The following WDR49 variants were observed in gnomAD, a reference collection of about 807,000 sequenced individuals.
WDR49 encodes the protein WD repeat domain 49.
In WDR49, 107 loss-of-function variants were observed where a neutral mutation model predicts 119.5. That is an observed-to-expected ratio of 0.90 (90% CI 0.77 to 1.05). The LOEUF is 1.05. WDR49 is among the 50% of genes least tolerant of loss of function. The pLI is 0.00. For missense variants in WDR49, 1,240 were observed against 1,220.5 expected (o/e 1.02, Z -0.24); for synonymous variants, 425 against 418.8 (o/e 1.01, Z -0.18).
At chr3:167,496,456 C>T (rs1396926947) in intron 18 of WDR49, among the ~76,000 whole-genome samples, 1 of 151,944 alleles carries the variant, frequency 6.6e-6, no homozygotes. Flanking sequence ...GAGTATCATC[C>T]CCCGCTATTT....
chr3:167,596,176 T>C (rs1408955559), intron 7 of WDR49, among the ~76,000 whole-genome samples: 17 of 151,960 alleles, frequency 1.1e-4, no homozygotes, highest in African/African-American at 3.9e-4. Flanking sequence ...TGAGATACCA[T>C]CTCACACCAG....
intron 5 of WDR49, among the ~76,000 whole-genome samples, chr3:167,608,554 A>C (rs1716174501): frequency 6.6e-6 from 1 of 152,216 alleles, no homozygotes; most frequent in African/African-American, 2.4e-5. Flanking sequence ...ACCAAGATAT[A>C]ACTTGTTTCT....
chr3:167,594,669 C>G (rs1715318466), intron 7 of WDR49, among the ~76,000 whole-genome samples: 1 of 152,158 alleles, frequency 6.6e-6, no homozygotes, highest in South Asian at 2.1e-4. Flanking sequence ...ATTCAACAAC[C>G]CTTCATGCTA....
At chr3:167,633,376 G>A (rs557879471) in intron 2 of WDR49, 1 of 451,014 alleles carries the variant, frequency 2.2e-6, no homozygotes, top group Non-Finnish European at 4.4e-6. Context: ...ATAGAAAGCT[G>A]TCCTAAGTGA....
chr3:167,560,059 C>T lies in WDR49; in HGVS notation c.1674+5G>A, dbSNP rs377289376. 2.7e-5 allele frequency: 44 copies of T among 1,613,644 alleles called. No individual in the cohort carries two copies. The highest frequency in any genetic ancestry group is 3.3e-4 in the Middle Eastern group (2 of 6,078). ...CTGGATAGAAAAGCATCATTGTGTT[C>T]GCACCTTTACAGTCCCATCTGTGCT... is the stretch of plus-strand genomic sequence containing the variant. On this transcript the variant is annotated splice_donor_5th_base_variant and intron_variant, in intron 9 of 18. Transcript: ENST00000682715.
At chr3:167,570,756 G>A (rs954015700) in intron 8 of WDR49, among the ~76,000 whole-genome samples, 1 of 152,174 alleles carries the variant, frequency 6.6e-6, no homozygotes, top group Admixed American at 6.5e-5. Context: ...ATGATGATAA[G>A]GCCGGATGCA....
chr3:167,600,217 G>A (rs1400091744), intron 7 of WDR49, among the ~76,000 whole-genome samples: 4 of 152,074 alleles, frequency 2.6e-5, no homozygotes, highest in East Asian at 1.9e-4. Flanking sequence ...TGGGGGAGTC[G>A]TGGTACAAGC....
intron 16 of WDR49, among the ~76,000 whole-genome samples, chr3:167,520,813 T>C (rs1240744697): frequency 6.6e-6 from 1 of 152,130 alleles, no homozygotes; most frequent in Admixed American, 6.6e-5. Context: ...ACTGATCTTG[T>C]GACACTTAAG....
chr3:167,538,260 C>G (rs1450336031), intron 10 of WDR49, among the ~76,000 whole-genome samples: 1 of 152,092 alleles, frequency 6.6e-6, no homozygotes, highest in Non-Finnish European at 1.5e-5. Context: ...CAAAAGATCT[C>G]AACATGTCAA....
intron 18 of WDR49, among the ~76,000 whole-genome samples, chr3:167,485,135 T>C (rs1750871948): frequency 6.6e-6 from 1 of 151,488 alleles, no homozygotes; most frequent in African/African-American, 2.4e-5. Flanking sequence ...TAAGTCGGAG[T>C]TGAACAATGA....
chr3:167,560,181 G>T lies in WDR49; in HGVS notation c.1557C>A (p.Asp519Glu). 6.2e-7 allele frequency: 1 copy of T among 1,614,164 alleles called. No homozygotes were observed. The highest frequency in any genetic ancestry group is 1.1e-5 in the South Asian group (1 of 91,088). Reference protein sequence around the residue: ...TGSTVSFWMIDTGQKIKQFTG... With the variant: ...TGSTVSFWMIETGQKIKQFTG... Reference sequence around the variant, plus strand: ...TAAACTGTTTGATTTTCTGCCCAGTGTCTATCATCCAGAAGGAAACAGTAG... The same window carrying T: ...TAAACTGTTTGATTTTCTGCCCAGTTTCTATCATCCAGAAGGAAACAGTAG... The change falls in exon 9 of 19, where the codon GAC becomes GAA. Residue 519 changes from aspartate to glutamate, a missense_variant. Coordinates refer to ENST00000682715, the MANE Select transcript of WDR49 (RefSeq NM_001366157.1).
chr3:167,636,511 T>C (rs1717627023), intron 2 of WDR49, among the ~76,000 whole-genome samples: 1 of 151,754 alleles, frequency 6.6e-6, no homozygotes, highest in Non-Finnish European at 1.5e-5. Flanking sequence ...AGATATCCAG[T>C]AGTGGGATTG....
chr3:167,522,073 G>A (rs1362425245), intron 16 of WDR49, among the ~76,000 whole-genome samples: 1 of 152,090 alleles, frequency 6.6e-6, no homozygotes, highest in Non-Finnish European at 1.5e-5. Flanking sequence ...TGGAGTAGCA[G>A]TAAAAGACTA....
intron 7 of WDR49, among the ~76,000 whole-genome samples, chr3:167,598,368 G>T (rs559817136): frequency 6.6e-6 from 1 of 152,164 alleles, no homozygotes; most frequent in Admixed American, 6.5e-5. Context: ...GAGGGGCCAG[G>T]GTGTAATGAC....
At chr3:167,584,810 T>C (rs1714722916) in intron 7 of WDR49, among the ~76,000 whole-genome samples, 1 of 152,074 alleles carries the variant, frequency 6.6e-6, no homozygotes, top group African/African-American at 2.4e-5. Flanking sequence ...AAATAAAGAA[T>C]ATTTTTATAA....
At chr3:167,531,588 C>T (rs540491623) in intron 12 of WDR49, among the ~76,000 whole-genome samples, 46 of 152,152 alleles carry the variant, frequency 3.0e-4, no homozygotes, top group African/African-American at 9.9e-4. Context: ...CCAGGACAAA[C>T]GTAATTCCAA....
At chr3:167,506,727 T>C (rs1022692842) in intron 16 of WDR49, among the ~76,000 whole-genome samples, 10 of 152,332 alleles carry the variant, frequency 6.6e-5, no homozygotes, top group African/African-American at 1.9e-4. Flanking sequence ...TATTAGAGTT[T>C]TACTAGTTTT....
intron 5 of WDR49, among the ~76,000 whole-genome samples, chr3:167,614,339 T>C (rs754756742): frequency 6.6e-6 from 1 of 152,140 alleles, no homozygotes; most frequent in East Asian, 1.9e-4. Flanking sequence ...CCTCAGGTGA[T>C]CCGCCCACCT....
intron 9 of WDR49, among the ~76,000 whole-genome samples, chr3:167,559,196 A>G (rs1713118264): frequency 6.6e-6 from 1 of 152,184 alleles, no homozygotes; most frequent in Admixed American, 6.5e-5. Context: ...ATATCCAGGT[A>G]GCTTTCCATC....
Sources: allele counts gnomAD v4.1 joint callset (sites outside exome capture counted in the v4.1 genomes callset), GRCh38; gene constraint gnomAD v4.1.1; transcripts MANE v1.5; gene names NCBI Gene and HGNC (gene_info 2026-07-23, HGNC 2026-07-21).